Variants in LMBRD2 observed in about 807,000 individuals in gnomAD.
LMBRD2 encodes the protein LMBR1 domain containing 2.
Under a neutral mutation model 94.4 loss-of-function variants are expected in LMBRD2, and 55 were observed. The observed-to-expected ratio is 0.58, with a 90% confidence interval of 0.47 to 0.73. LMBRD2 has a LOEUF of 0.73. Ranked by LOEUF, LMBRD2 falls within the 30% of genes least tolerant of loss-of-function variation. The pLI, the probability that LMBRD2 is intolerant of heterozygous loss-of-function variation, is 0.00. For missense variants in LMBRD2, 640 were observed against 831.9 expected (o/e 0.77, Z 2.84); for synonymous variants, 246 against 272.4 (o/e 0.90, Z 0.95).
Position 36,105,153 on chromosome 5 carries a change from G to A in LMBRD2, c.1942C>T (p.Arg648Trp), listed in dbSNP as rs753256134. The A allele has an allele frequency of 6.2e-6, 10 of 1,612,360 alleles. No individual in the cohort carries two copies. The highest frequency in any genetic ancestry group is 4.5e-5 in the East Asian group (2 of 44,824). Residue 648 changes from arginine to tryptophan, a missense_variant, in exon 17 of 18, where the codon CGG becomes TGG. This residue lies in a region of LMBRD2 where 183 missense variants were observed against 189.1 expected (regional missense o/e 0.97). Transcript: ENST00000296603. Reference sequence around the variant, plus strand: ...TCTGCATCTTGGAGAAGTTCTATCCGGTCCCTTTCAGTCCTGTTATTAGCC... The same window carrying A: ...TCTGCATCTTGGAGAAGTTCTATCCAGTCCCTTTCAGTCCTGTTATTAGCC... ...TRANNRTERD[R>W]IELLQDAEPL...
chr5:36,135,325 A>G (rs1182341332), intron 6 of LMBRD2, among the ~76,000 whole-genome samples: 11 of 152,204 alleles, frequency 7.2e-5, no homozygotes. Context: ...AGTGCTTAGA[A>G]AGTCCCTCTT....
chr5:36,139,495 A>T (rs1744351924), intron 4 of LMBRD2, among the ~76,000 whole-genome samples: 1 of 152,216 alleles, frequency 6.6e-6, no homozygotes, highest in Non-Finnish European at 1.5e-5. Context: ...GGACAGCCTG[A>T]AGCATGGAGG....
At chr5:36,140,584 G>A (rs1744383468) in intron 4 of LMBRD2, among the ~76,000 whole-genome samples, 1 of 152,218 alleles carries the variant, frequency 6.6e-6, no homozygotes, top group African/African-American at 2.4e-5. Context: ...ATTTGTTGGT[G>A]AGAAGCTGAA....
At chr5:36,142,471 G>A (rs1266115170) in intron 3 of LMBRD2, 31 bp downstream of exon 3, 1 of 1,275,974 alleles carries the variant, frequency 7.8e-7, no homozygotes, top group Non-Finnish European at 1.1e-6. Flanking sequence ...CCCCTACAAT[G>A]TTTATATATT....
In LMBRD2 at chr5:36,124,279, AAAAT is replaced by A. The variant is rs1743953793; in HGVS notation, c.748-18_748-15del. On this transcript the variant is annotated splice_polypyrimidine_tract_variant and intron_variant, in intron 6 of 17. Coordinates refer to ENST00000296603, the MANE Select transcript of LMBRD2 (RefSeq NM_001007527.2). ...TTTACGAACCTCCTATAAAAACAGT[AAAAT>A]AAATAAAAATATTTCCATTTCTACA... 7.3e-7 allele frequency: 1 copy of A among 1,370,206 alleles called. No individual in the cohort carries two copies. Among genetic ancestry groups the A allele is most frequent in the Non-Finnish European group, 1.0e-6 (1 of 965,810 alleles). The allele number at this position is 1,370,206 out of a possible 1,614,324, so 84.9% of individuals were successfully genotyped here.
chr5:36,139,176 TG>T (rs1433323695), intron 4 of LMBRD2, among the ~76,000 whole-genome samples: 4 of 152,222 alleles, frequency 2.6e-5, no homozygotes, highest in Non-Finnish European at 5.9e-5. Flanking sequence ...TCCTGACACC[TG>T]CTCTGATTTT....
chr5:36,118,918 C>A lies in LMBRD2; in HGVS notation c.1121-1002G>T, dbSNP rs192940061. On this transcript the variant is annotated intron_variant, in intron 9 of 17. Coordinates refer to ENST00000296603, the MANE Select transcript of LMBRD2 (RefSeq NM_001007527.2). Reference sequence around the variant, plus strand: ...CCGTGTTAGCCAGGATGGTCTCAATCTCCTGACCCCATGATCCACCCACCT... The same window carrying A: ...CCGTGTTAGCCAGGATGGTCTCAATATCCTGACCCCATGATCCACCCACCT... Among the ~76,000 whole-genome samples, 937 of 152,214 alleles carry A rather than the reference C, an allele frequency of 6.2e-3. 5 individuals are homozygous for A. The highest frequency in any genetic ancestry group is 0.021 in the African/African-American group (855 of 41,520).
In LMBRD2 at chr5:36,115,041, T is replaced by C. The variant is rs1268511517; in HGVS notation, c.1516A>G (p.Asn506Asp). The C allele has an allele frequency of 6.2e-7, 1 of 1,609,634 alleles. No individual in the cohort carries two copies. The highest frequency in any genetic ancestry group is 2.2e-5 in the East Asian group (1 of 44,694). Residue 506 changes from asparagine to aspartate, a missense_variant, in exon 12 of 18, where the codon AAT (asparagine) becomes GAT (aspartate). Physicochemically the swap from Asn to Asp is conservative, Grantham distance 23 (BLOSUM62 1). Coordinates refer to ENST00000296603, the MANE Select transcript of LMBRD2 (RefSeq NM_001007527.2). ...GATGTATAAGCAGTTGGTTGAGTAT[T>C]CTTGTGAGAGATAGATGAATCCATA... is the stretch of plus-strand genomic sequence containing the variant. ...THMDSSISHKNTQPTAYTSIM... is the reference protein window; with the variant it reads ...THMDSSISHKDTQPTAYTSIM...
At position 36,116,597 on chromosome 5, in the gene LMBRD2, G is replaced by A; in HGVS notation, c.1303-4C>T. 6.2e-7 allele frequency: 1 copy of A among 1,606,084 alleles called. No homozygotes were observed. Among genetic ancestry groups the A allele is most frequent in the South Asian group, 1.1e-5 (1 of 89,196 alleles). ...AGATGGAAAGGAAGCAGGCAATCTG[G>A]AAAAAAACAAAAACAAAGCAGTTTG... On this transcript the variant is annotated splice_polypyrimidine_tract_variant and splice_region_variant and intron_variant, in intron 10 of 17. Coordinates refer to ENST00000296603, the MANE Select transcript of LMBRD2 (RefSeq NM_001007527.2).
intron 16 of LMBRD2, among the ~76,000 whole-genome samples, chr5:36,107,201 T>G (rs1260489399): frequency 6.6e-6 from 1 of 152,206 alleles, no homozygotes; most frequent in East Asian, 1.9e-4. Context: ...AGCTCTTTTG[T>G]ATAGTTTCCA....
chr5:36,127,074 A>G (rs1284217715), intron 6 of LMBRD2, among the ~76,000 whole-genome samples: 1 of 152,230 alleles, frequency 6.6e-6, no homozygotes, highest in African/African-American at 2.4e-5. Flanking sequence ...TTCATGTCAC[A>G]TTTACCATAA....
At position 36,147,875 on chromosome 5, in the gene LMBRD2, T is replaced by G. The variant is rs145081749; in HGVS notation, c.-58+3681A>C. The G allele has an allele frequency of 1.6e-3, 694 of 433,316 alleles. 2 individuals carry two copies. The highest frequency in any genetic ancestry group is 2.1e-3 in the Non-Finnish European group (451 of 212,446). The allele number at this position is 433,316 out of a possible 1,614,324, so 26.8% of individuals were successfully genotyped here. A position where few individuals can be genotyped will look rare whatever the true frequency, so the allele number is the denominator to read the frequency against. On this transcript the variant is annotated intron_variant, in intron 1 of 17. Transcript: ENST00000296603. ...CAACAATTTTGTCAAAACCAAAGATTCTGAAACTGAATGAAAAATTTCTGA... is the reference window on the plus strand; with the variant it reads ...CAACAATTTTGTCAAAACCAAAGATGCTGAAACTGAATGAAAAATTTCTGA...
chr5:36,149,582 A>G (rs1744638705), intron 1 of LMBRD2, among the ~76,000 whole-genome samples: 1 of 152,338 alleles, frequency 6.6e-6, no homozygotes, highest in East Asian at 1.9e-4. Flanking sequence ...ATGGAGAAAC[A>G]AAGAAGGGTG....
intron 6 of LMBRD2, among the ~76,000 whole-genome samples, chr5:36,127,717 T>C (rs1744039001): frequency 6.6e-6 from 1 of 152,222 alleles, no homozygotes. Flanking sequence ...AGAAGGACTT[T>C]GTCTTGTGGC....
chr5:36,126,740 A>C (rs1744016315), intron 6 of LMBRD2, among the ~76,000 whole-genome samples: 2 of 152,240 alleles, frequency 1.3e-5, no homozygotes, highest in Admixed American at 1.3e-4. Context: ...GAAACATATC[A>C]TAAAAATACC....
intron 4 of LMBRD2, among the ~76,000 whole-genome samples, chr5:36,139,981 C>T (rs1371378022): frequency 6.6e-6 from 1 of 152,242 alleles, no homozygotes; most frequent in Non-Finnish European, 1.5e-5. Context: ...TGAAACATGG[C>T]CCTGCCACTT....
chr5:36,114,613 A>T, intron 12 of LMBRD2, 92 bp from the exon 13 acceptor site: 1 of 1,353,956 alleles, frequency 7.4e-7, no homozygotes. Context: ...AACCAGTTAT[A>T]TCAATCCATT....
intron 9 of LMBRD2, among the ~76,000 whole-genome samples, chr5:36,118,958 G>A (rs1743824726): frequency 6.6e-6 from 1 of 152,090 alleles, no homozygotes; most frequent in Non-Finnish European, 1.5e-5. Context: ...CTCACAAAGT[G>A]TTGGGGTTAC....
At chr5:36,118,640 C>T (rs1743814790) in intron 9 of LMBRD2, among the ~76,000 whole-genome samples, 2 of 147,644 alleles carry the variant, frequency 1.4e-5, no homozygotes, top group South Asian at 4.3e-4. Flanking sequence ...ATATTTTGTA[C>T]TGTTTTGGTT....
Sources: gnomAD v4.1 joint callset for allele counts (sites outside exome capture counted in the v4.1 genomes callset) on GRCh38, gnomAD v4.1.1 for gene constraint, gnomAD v4.1.1 regional missense constraint, MANE v1.5 for transcripts, NCBI Gene and HGNC (gene_info 2026-07-23, HGNC 2026-07-21) for gene names.